The following MINDY3 variants were observed in gnomAD, a reference collection of about 807,000 sequenced individuals.
MINDY3 encodes MINDY lysine 48 deubiquitinase 3.
A neutral mutation model predicts 69.2 loss-of-function variants in MINDY3; 38 were observed. The observed-to-expected ratio is 0.55, with a 90% CI of 0.42 to 0.72. MINDY3 has a LOEUF of 0.72. MINDY3 is among the 30% of genes least tolerant of loss of function. MINDY3 has a pLI of 0.00. For missense variants in MINDY3, 522 were observed against 519.0 expected (o/e 1.01, Z -0.06); for synonymous variants, 192 against 180.1 (o/e 1.07, Z -0.53).
chr10:15,785,656 AGTCTACATT>A (rs899347704), intron 13 of MINDY3, among the ~76,000 whole-genome samples: 2 of 152,220 alleles, frequency 1.3e-5, no homozygotes, highest in Admixed American at 1.3e-4. Context: ...GAAGTCCAGT[AGTCTACATT>A]GTCTACATTG....
At chr10:15,835,351 T>C (rs566659115) in intron 6 of MINDY3, among the ~76,000 whole-genome samples, 9 of 152,254 alleles carry the variant, frequency 5.9e-5, no homozygotes, top group African/African-American at 2.2e-4. Flanking sequence ...ACTTTAGCCA[T>C]TGTTTCTATC....
At chr10:15,799,266 C>G (rs902555769) in intron 10 of MINDY3, among the ~76,000 whole-genome samples, 1 of 152,086 alleles carries the variant, frequency 6.6e-6, no homozygotes, top group Non-Finnish European at 1.5e-5. Context: ...GTGGTGTGAT[C>G]TTGCCTCACT....
At chr10:15,798,949 G>A (rs537892417) in intron 10 of MINDY3, among the ~76,000 whole-genome samples, 2 of 152,186 alleles carry the variant, frequency 1.3e-5, no homozygotes, top group South Asian at 4.2e-4. Flanking sequence ...AATCTCGGTG[G>A]ACTCTAGTTA....
chr10:15,793,613 G>C (rs894938724), intron 11 of MINDY3, among the ~76,000 whole-genome samples: 3 of 152,040 alleles, frequency 2.0e-5, no homozygotes, highest in Admixed American at 6.6e-5. Flanking sequence ...TTTCAAGAAA[G>C]ATACTGGTAG....
At chr10:15,831,524 C>T (rs969828014) in intron 8 of MINDY3, among the ~76,000 whole-genome samples, 3 of 152,132 alleles carry the variant, frequency 2.0e-5, no homozygotes, top group African/African-American at 7.2e-5. Flanking sequence ...AAAAGGTCCA[C>T]AGCAAGATGA....
chr10:15,828,100 A>G (rs1840210296), intron 8 of MINDY3, among the ~76,000 whole-genome samples: 1 of 152,224 alleles, frequency 6.6e-6, no homozygotes, highest in Non-Finnish European at 1.5e-5. Context: ...TATGGCAAAG[A>G]AACACTAAAA....
At chr10:15,834,768 G>A (rs916202554) in intron 6 of MINDY3, 152 bp from the exon 7 acceptor site, 2 of 582,654 alleles carry the variant, frequency 3.4e-6, no homozygotes, top group African/African-American at 3.8e-5. Flanking sequence ...GGGTGCATTT[G>A]AGATAACTTT....
At chr10:15,800,983 C>G (rs1238397951) in intron 10 of MINDY3, among the ~76,000 whole-genome samples, 1 of 152,156 alleles carries the variant, frequency 6.6e-6, no homozygotes, top group African/African-American at 2.4e-5. Flanking sequence ...AGGTGGAGAA[C>G]TTAATGCCAG....
In MINDY3 at chr10:15,778,265, A is replaced by G. The variant is rs1023620361; in HGVS notation, c.*727T>C. On this transcript the variant is annotated 3_prime_UTR_variant, in exon 15 of 15. Coordinates refer to ENST00000277632, the MANE Select transcript of MINDY3 (RefSeq NM_024948.4). ...TAATAACAGATCTTCTCATGCATTT[A>G]TCGTGTTTATAAATATAGAAGAAAG... 10 of 152,232 alleles carry G rather than the reference A, an allele frequency of 6.6e-5. No homozygotes were observed. Among genetic ancestry groups the G allele is most frequent in the Non-Finnish European group, 1.3e-4 (9 of 68,044 alleles). The allele number at this position is 152,232 out of a possible 1,614,324, so 9.4% of individuals were successfully genotyped here.
rs541504134 is a variant in MINDY3 at position 15,838,154 on chromosome 10, T to C, written c.461+74A>G. The C allele has an allele frequency of 3.5e-6, 5 of 1,443,244 alleles. No homozygotes were observed. In the African/African-American group the frequency reaches 4.3e-5, roughly 13 times the overall value. 89.4% of individuals were successfully genotyped at this position (1,443,244 alleles called of 1,614,324 possible). On this transcript the variant is annotated intron_variant, in intron 5 of 14. Coordinates refer to ENST00000277632, the MANE Select transcript of MINDY3 (RefSeq NM_024948.4). ...ATTTCTATGTAAAACTAAGAACCTTTCCACAGTATGAACAGACTTAAAGTG... is the reference window on the plus strand; with the variant it reads ...ATTTCTATGTAAAACTAAGAACCTTCCCACAGTATGAACAGACTTAAAGTG...
intron 9 of MINDY3, among the ~76,000 whole-genome samples, chr10:15,819,795 C>T (rs1209677283): frequency 6.6e-6 from 1 of 152,170 alleles, no homozygotes; most frequent in Admixed American, 6.5e-5. Flanking sequence ...TCATTTAAAA[C>T]CATAGTTAAC....
intron 5 of MINDY3, 64 bp from the exon 6 acceptor site, chr10:15,837,382 A>G: frequency 7.6e-7 from 1 of 1,314,072 alleles, no homozygotes; most frequent in Non-Finnish European, 1.1e-6. Context: ...ATAAAAGGGA[A>G]AATTTTTAAA....
intron 9 of MINDY3, 62 bp downstream of exon 9, chr10:15,821,594 A>G (rs926058754): frequency 4.8e-6 from 6 of 1,237,602 alleles, no homozygotes; most frequent in African/African-American, 1.5e-5. Flanking sequence ...GGAACAAAAC[A>G]GTATCCACAA....
Position 15,783,591 on chromosome 10 carries a change from A to G in MINDY3, c.1117-1365T>C, listed in dbSNP as rs572464678. ...ACTACACTGGAACTTAACCTTTATC[A>G]TAACAATTGTCTAAATAATTTGAGA... On this transcript the variant is annotated intron_variant, in intron 13 of 14. Transcript: ENST00000277632. Among the ~76,000 whole-genome samples the G allele has an allele frequency of 9.2e-5, 14 of 152,290 alleles. No individual in the cohort carries two copies. In the South Asian group the frequency reaches 2.7e-3, roughly 29 times the overall value.
At chr10:15,790,928 C>T (rs918315802) in intron 11 of MINDY3, among the ~76,000 whole-genome samples, 6 of 152,100 alleles carry the variant, frequency 3.9e-5, no homozygotes, top group Admixed American at 6.6e-5. Flanking sequence ...CCATAACCTG[C>T]AACTCAGTTC....
chr10:15,834,488 C>T (rs1371041281), intron 7 of MINDY3, 55 bp downstream of exon 7: 1 of 1,260,680 alleles, frequency 7.9e-7, no homozygotes, highest in African/African-American at 1.5e-5. Context: ...TATCTGAAGT[C>T]AAGTTTCTAA....
intron 13 of MINDY3, 30 bp from the exon 14 acceptor site, chr10:15,782,256 T>TAG (rs1181070753): frequency 7.1e-7 from 1 of 1,414,774 alleles, no homozygotes; most frequent in African/African-American, 1.5e-5. Context: ...ATTAACACTT[T>TAG]AAATTATATT....
At chr10:15,785,570 G>C (rs1462706076) in intron 13 of MINDY3, among the ~76,000 whole-genome samples, 1 of 148,596 alleles carries the variant, frequency 6.7e-6, no homozygotes, top group African/African-American at 2.6e-5. Context: ...TGAACAAAGA[G>C]GATATCACAC....
chr10:15,857,711 T>C (rs1834790164), intron 1 of MINDY3, among the ~76,000 whole-genome samples: 1 of 152,100 alleles, frequency 6.6e-6, no homozygotes, highest in African/African-American at 2.4e-5. Flanking sequence ...CCCGCATTTT[T>C]TAAAACGAAC....
Sources: gnomAD v4.1 joint callset for allele counts (sites outside exome capture counted in the v4.1 genomes callset) on GRCh38, gnomAD v4.1.1 for gene constraint, MANE v1.5 for transcripts, NCBI Gene and HGNC (gene_info 2026-07-23, HGNC 2026-07-21) for gene names.